The following KCNJ5 variants were observed in gnomAD, a reference collection of about 807,000 sequenced individuals.
KCNJ5 encodes the protein potassium inwardly rectifying channel subfamily J member 5, also known as G protein-activated inward rectifier potassium channel 4.
In KCNJ5, 12 loss-of-function variants were observed where a neutral mutation model predicts 20.2. The observed-to-expected ratio is 0.59, with a 90% CI of 0.38 to 0.96. The LOEUF is 0.96. KCNJ5 is among the 40% of genes least tolerant of loss of function. The probability of loss-of-function intolerance (pLI) is 0.00; values close to 1 mark genes in which losing one functional copy is unlikely to be tolerated. For missense variants in KCNJ5, 449 were observed against 557.6 expected (o/e 0.81, Z 1.96); for synonymous variants, 210 against 213.9 (o/e 0.98, Z 0.16).
At chr11:128,903,781 G>C (rs529432422) in intron 1 of KCNJ5, among the ~76,000 whole-genome samples, 1 of 152,272 alleles carries the variant, frequency 6.6e-6, no homozygotes, top group East Asian at 1.9e-4. Context: ...ATGCTGGAGG[G>C]GAGCAGGAGG....
intron 1 of KCNJ5, among the ~76,000 whole-genome samples, chr11:128,896,943 T>A (rs1290560961): frequency 6.6e-6 from 1 of 152,140 alleles, no homozygotes; most frequent in Admixed American, 6.5e-5. Context: ...ACTATGCCAC[T>A]TTACACTCCC....
chr11:128,892,065 G>C (rs185433311), intron 1 of KCNJ5, among the ~76,000 whole-genome samples: 119 of 152,310 alleles, frequency 7.8e-4, no homozygotes, highest in African/African-American at 2.8e-3. Context: ...TTTTCACCTG[G>C]TAGGACTCTT....
At chr11:128,910,474 T>C (rs1052216864) in intron 1 of KCNJ5, among the ~76,000 whole-genome samples, 3 of 152,174 alleles carry the variant, frequency 2.0e-5, no homozygotes, top group East Asian at 3.8e-4. Flanking sequence ...ACAAATCAGA[T>C]ACATGCTGCC....
chr11:128,901,104 T>C (rs1944267772), intron 1 of KCNJ5: 1 of 152,230 alleles, frequency 6.6e-6, no homozygotes. Context: ...GCATAGGATG[T>C]GGCCAGGAGA....
At chr11:128,891,808 G>A (rs944365255) in intron 1 of KCNJ5, 87 bp downstream of exon 1, 1 of 152,294 alleles carries the variant, frequency 6.6e-6, no homozygotes, top group African/African-American at 2.4e-5. Context: ...TCCATCACCT[G>A]GGCAGCAGGC....
Position 128,917,794 on chromosome 11 carries a change from G to A in KCNJ5, c.*1063G>A, listed in dbSNP as rs2846696. On this transcript the variant is annotated 3_prime_UTR_variant, in exon 3 of 3. Coordinates refer to ENST00000529694, the MANE Select transcript of KCNJ5 (RefSeq NM_000890.5). Reference sequence around the variant, plus strand: ...ATCTGGGCCAGGCAAGATGGCTCACGCCTGTGATCCCAGCATTTTGGGAGG... The same window carrying A: ...ATCTGGGCCAGGCAAGATGGCTCACACCTGTGATCCCAGCATTTTGGGAGG... The A allele has an allele frequency of 0.69, 105,230 of 152,166 alleles. 36,709 individuals carry two copies. The highest frequency in any genetic ancestry group is 0.77 in the South Asian group (3,710 of 4,820). 9.4% of individuals were successfully genotyped at this position (152,166 alleles called of 1,614,324 possible).
chr11:128,919,118 T>C lies in KCNJ5; in HGVS notation c.*2387T>C, dbSNP rs924172441. On this transcript the variant is annotated 3_prime_UTR_variant, in exon 3 of 3. Transcript: ENST00000529694. ...CACCCCCTTGCCAGATCTAAGCCTG[T>C]CTTAGGACCGTCAGTGCCCCCAGGT... 10 of 152,408 alleles carry C rather than the reference T, an allele frequency of 6.6e-5. No individual in the cohort carries two copies. Among genetic ancestry groups the C allele is most frequent in the African/African-American group, 2.2e-4 (9 of 41,550 alleles). The allele number at this position is 152,408 out of a possible 1,614,324, so 9.4% of individuals were successfully genotyped here.
chr11:128,915,774 C>T (rs777810336), intron 2 of KCNJ5, among the ~76,000 whole-genome samples: 5 of 151,790 alleles, frequency 3.3e-5, no homozygotes, highest in Non-Finnish European at 5.9e-5. Context: ...TGAAGGAATG[C>T]ATGAATGTAT....
At chr11:128,903,377 C>T (rs1372443172) in intron 1 of KCNJ5, 1 of 1,614,042 alleles carries the variant, frequency 6.2e-7, no homozygotes, top group Non-Finnish European at 8.5e-7. Flanking sequence ...CTCACACAGC[C>T]ACAGCCGTGG....
At chr11:128,914,573 C>G (rs139456895) in intron 2 of KCNJ5, among the ~76,000 whole-genome samples, 1 of 152,302 alleles carries the variant, frequency 6.6e-6, no homozygotes, top group Non-Finnish European at 1.5e-5. Flanking sequence ...GAATCCATGC[C>G]TCAGCTTGAG....
chr11:128,916,746 C>T lies in KCNJ5; in HGVS notation c.*15C>T. On this transcript the variant is annotated 3_prime_UTR_variant, in exon 3 of 3. Transcript: ENST00000529694. ...GCTCGGTGTGAGGGGTGCAGCCTCCCTAAGACCTCCTGTCACTGGCTTCAG... is the reference window on the plus strand; with the variant it reads ...GCTCGGTGTGAGGGGTGCAGCCTCCTTAAGACCTCCTGTCACTGGCTTCAG... The T allele has an allele frequency of 1.3e-6, 2 of 1,567,170 alleles. No individual in the cohort carries two copies. The highest frequency in any genetic ancestry group is 1.7e-6 in the Non-Finnish European group (2 of 1,152,860).
intron 2 of KCNJ5, among the ~76,000 whole-genome samples, chr11:128,915,850 G>T (rs1944569520): frequency 7.4e-6 from 1 of 135,984 alleles, no homozygotes; most frequent in African/African-American, 2.8e-5. Context: ...TGGATGGGTG[G>T]ACGATTAGGT....
rs1008641646 is a variant in KCNJ5 at position 128,891,584 on chromosome 11, G to A, written c.-148G>A. ...CCACAGGACCCCACAACAGGGAGAG[G>A]TTCCAGCTACAGCTCCTCCGTGGGG... On this transcript the variant is annotated 5_prime_UTR_variant, in exon 1 of 3. Coordinates refer to ENST00000529694, the MANE Select transcript of KCNJ5 (RefSeq NM_000890.5). 1 of 152,516 alleles carries A rather than the reference G, an allele frequency of 6.6e-6. No individual in the cohort carries two copies. The highest frequency in any genetic ancestry group is 1.5e-5 in the Non-Finnish European group (1 of 68,334). 9.4% of individuals were successfully genotyped at this position (152,516 alleles called of 1,614,324 possible).
At chr11:128,904,976 C>T (rs546344339) in intron 1 of KCNJ5, among the ~76,000 whole-genome samples, 14 of 152,240 alleles carry the variant, frequency 9.2e-5, no homozygotes, top group African/African-American at 3.4e-4. Flanking sequence ...TTTATTACCA[C>T]CGGGCTCTGT....
Position 128,920,465 on chromosome 11 carries a change from C to T in KCNJ5, c.*3734C>T, listed in dbSNP as rs1944650075. ...TCCAGCCCCCATCAATCCTGTGCCT[C>T]ATGTGAGGTGAGCCCCAGAGAAACT... On this transcript the variant is annotated 3_prime_UTR_variant, in exon 3 of 3. Transcript: ENST00000529694. 1 of 152,290 alleles carries T rather than the reference C, an allele frequency of 6.6e-6. No individual in the cohort carries two copies. The highest frequency in any genetic ancestry group is 1.5e-5 in the Non-Finnish European group (1 of 68,084). 9.4% of individuals were successfully genotyped at this position (152,290 alleles called of 1,614,324 possible).
intron 2 of KCNJ5, among the ~76,000 whole-genome samples, chr11:128,912,645 G>A (rs1944521747): frequency 6.6e-6 from 1 of 152,198 alleles, no homozygotes; most frequent in African/African-American, 2.4e-5. Flanking sequence ...GGAGTAGCTG[G>A]GATTACAGGT....
At chr11:128,913,652 C>T (rs547002944) in intron 2 of KCNJ5, among the ~76,000 whole-genome samples, 8 of 152,176 alleles carry the variant, frequency 5.3e-5, no homozygotes, top group South Asian at 2.1e-4. Flanking sequence ...AACTCAGTCA[C>T]GCTCAGAATG....
intron 1 of KCNJ5, chr11:128,903,566 T>G (rs769174617): frequency 3.1e-6 from 5 of 1,591,324 alleles, no homozygotes; most frequent in Middle Eastern, 1.7e-4. Flanking sequence ...CAGTGGCTGC[T>G]AGTTAGTGGT....
intron 1 of KCNJ5, among the ~76,000 whole-genome samples, chr11:128,894,106 C>T (rs1944135280): frequency 6.6e-6 from 1 of 152,148 alleles, no homozygotes; most frequent in Non-Finnish European, 1.5e-5. Context: ...CCTGATTCTT[C>T]CTGCCTGCGG....
Sources: allele counts gnomAD v4.1 joint callset (sites outside exome capture counted in the v4.1 genomes callset), GRCh38; gene constraint gnomAD v4.1.1; transcripts MANE v1.5; gene names NCBI Gene and HGNC (gene_info 2026-07-23, HGNC 2026-07-21).